Variants in NINJ2 observed in about 807,000 individuals in gnomAD.
NINJ2 encodes ninjurin 2.
A neutral mutation model predicts 11.7 loss-of-function variants in NINJ2; 12 were observed. The ratio of observed to expected loss-of-function variants is 1.02; its 90% confidence interval spans 0.66 to 1.66. The LOEUF is 1.66. Among genes scored for constraint, NINJ2 ranks in the 40% most tolerant of loss-of-function variants. The probability of loss-of-function intolerance (pLI) is 0.00; values close to 1 mark genes in which losing one functional copy is unlikely to be tolerated. For synonymous variants in NINJ2, 93 were observed against 76.8 expected, an observed-to-expected ratio of 1.21 and a Z score of -1.10; for missense variants, 187 against 181.8, an observed-to-expected ratio of 1.03 and a Z score of -0.16.
chr12:583,885 G>A (rs757578087), intron 1 of NINJ2, among the ~76,000 whole-genome samples: 1 of 152,166 alleles, frequency 6.6e-6, no homozygotes, highest in Non-Finnish European at 1.5e-5. Flanking sequence ...TAAGATTACA[G>A]AACAGTGATA....
At chr12:600,656 GTGTGTGTGTGTGT>G (rs1565630347) in intron 1 of NINJ2, among the ~76,000 whole-genome samples, 995 of 16,914 alleles carry the variant, frequency 0.059, 23 homozygotes, top group East Asian at 0.32. Context: ...TTTTTGGGGT[GTGTGTGTGTGTGT>G]GTGTGTGTGT....
At chr12:574,488 C>T (rs535469534) in intron 1 of NINJ2, among the ~76,000 whole-genome samples, 1 of 151,878 alleles carries the variant, frequency 6.6e-6, no homozygotes, top group African/African-American at 2.4e-5. Context: ...CACGAGGGCT[C>T]TGCCCTCATT....
intron 1 of NINJ2, among the ~76,000 whole-genome samples, chr12:569,859 C>A (rs1043721964): frequency 1.3e-5 from 2 of 152,230 alleles, no homozygotes; most frequent in East Asian, 3.9e-4. Context: ...GGGGCCGACT[C>A]GGGCCTGCCT....
intron 1 of NINJ2, among the ~76,000 whole-genome samples, chr12:601,287 C>T (rs1466729902): frequency 1.3e-5 from 2 of 152,228 alleles, no homozygotes; most frequent in African/African-American, 2.4e-5. Flanking sequence ...TGGCTCACGC[C>T]TGTAATCCCA....
intron 2 of NINJ2, 52 bp from the exon 3 acceptor site, chr12:565,453 G>A: frequency 6.4e-7 from 1 of 1,571,176 alleles, no homozygotes; most frequent in East Asian, 2.2e-5. Context: ...CCACAGCACG[G>A]AGCTGCCCCC....
At chr12:622,218 G>A (rs1299137149) in intron 1 of NINJ2, among the ~76,000 whole-genome samples, 39 of 151,120 alleles carry the variant, frequency 2.6e-4, no homozygotes, top group Non-Finnish European at 1.5e-5. Flanking sequence ...TCAGGAGATC[G>A]AGACCACGGT....
intron 1 of NINJ2, among the ~76,000 whole-genome samples, chr12:618,424 A>G (rs1041542424): frequency 3.9e-5 from 6 of 152,066 alleles, no homozygotes; most frequent in East Asian, 3.9e-4. Flanking sequence ...GAACCCCAGA[A>G]CAGCATTTTA....
At chr12:566,918 A>G (rs1280943446) in intron 1 of NINJ2, among the ~76,000 whole-genome samples, 1 of 152,254 alleles carries the variant, frequency 6.6e-6, no homozygotes, top group Non-Finnish European at 1.5e-5. Flanking sequence ...AATACAGGGC[A>G]TATGCTGTGG....
At chr12:609,042 C>T (rs1755886603) in intron 1 of NINJ2, among the ~76,000 whole-genome samples, 1 of 150,290 alleles carries the variant, frequency 6.7e-6, no homozygotes, top group African/African-American at 2.4e-5. Flanking sequence ...GCACGCACGG[C>T]GCCACGCGCT....
chr12:654,565 T>G (rs1231326798), intron 1 of NINJ2, among the ~76,000 whole-genome samples: 1 of 148,786 alleles, frequency 6.7e-6, no homozygotes, highest in Admixed American at 6.7e-5. Context: ...CCAACTGGGG[T>G]TTAGTCCAGG....
Position 580,597 on chromosome 12 carries a change from AAATAT to A in NINJ2, c.34-14424_34-14420del, listed in dbSNP as rs55925203. Among the ~76,000 whole-genome samples, 24,410 of 122,302 alleles carry A rather than the reference AAATAT, an allele frequency of 0.2. 2,058 individuals carry two copies. Among genetic ancestry groups the A allele is most frequent in the Middle Eastern group, 0.29 (70 of 240 alleles). The allele number at this position is 122,302 out of a possible 152,430, so 80.2% of individuals were successfully genotyped here. A position where few individuals can be genotyped will look rare whatever the true frequency, so the allele number is the denominator to read the frequency against. On this transcript the variant is annotated intron_variant, in intron 1 of 3. Transcript: ENST00000305108. This position sits in a 1 kb window ranked among gnomAD's most constrained non-coding sequence, Gnocchi z 4.7. ...GAGAGACCCTGTCTCAAAAAAAAAA[AAATAT>A]ATATATATATATATCCATTTGTCAT...
chr12:662,717 C>T (rs1937974172), intron 1 of NINJ2, among the ~76,000 whole-genome samples: 1 of 152,200 alleles, frequency 6.6e-6, no homozygotes, highest in Non-Finnish European at 1.5e-5. Flanking sequence ...TCCCCTCCAG[C>T]AGTGGACTGG....
intron 1 of NINJ2, among the ~76,000 whole-genome samples, chr12:652,878 C>T (rs551381810): frequency 8.8e-5 from 13 of 147,194 alleles, no homozygotes; most frequent in Non-Finnish European, 1.5e-4. Flanking sequence ...ACCCGGGAAG[C>T]GAAGGTTGCA....
Position 601,797 on chromosome 12 carries a change from C to T in NINJ2, c.34-35619G>A, listed in dbSNP as rs187672063. 5.1e-4 allele frequency among the ~76,000 whole-genome samples: 78 copies of T among 152,158 alleles called. 1 individual carries two copies. Among genetic ancestry groups the T allele is most frequent in the African/African-American group, 1.6e-3 (68 of 41,504 alleles). ...AGGAGAATCACTTGAACCTGGGAGG[C>T]GGAGGTTGCAGTGAACCAAGATCAT... On this transcript the variant is annotated intron_variant, in intron 1 of 3. Transcript: ENST00000305108.
At chr12:599,516 G>A (rs1233767269) in intron 1 of NINJ2, among the ~76,000 whole-genome samples, 3 of 152,176 alleles carry the variant, frequency 2.0e-5, no homozygotes, top group African/African-American at 4.8e-5. Context: ...GCCATCACAC[G>A]TTGAGCAGCG....
chr12:571,414 AC>A (rs1345944026), intron 1 of NINJ2, among the ~76,000 whole-genome samples: 9 of 152,042 alleles, frequency 5.9e-5, no homozygotes, highest in Admixed American at 1.3e-4. Context: ...TGCCTGGCAG[AC>A]GTGGGTTTGG....
In NINJ2 at chr12:585,273, G is replaced by A. The variant is rs1397465027; in HGVS notation, c.34-19095C>T. Among the ~76,000 whole-genome samples the A allele has an allele frequency of 6.6e-6, 1 of 152,198 alleles. No individual in the cohort carries two copies. The highest frequency in any genetic ancestry group is 1.5e-5 in the Non-Finnish European group (1 of 68,036). On this transcript the variant is annotated intron_variant, in intron 1 of 3. Transcript: ENST00000305108. This position sits in a 1 kb window ranked among gnomAD's most constrained non-coding sequence, Gnocchi z 4.1. ...TCTGGGGGCTCTGGGCTTCCCTGCTGCAAGCTCTTAACCCTTAGCGTGAGC... is the reference window on the plus strand; with the variant it reads ...TCTGGGGGCTCTGGGCTTCCCTGCTACAAGCTCTTAACCCTTAGCGTGAGC...
intron 1 of NINJ2, among the ~76,000 whole-genome samples, chr12:652,590 CAAAG>C (rs1937809942): frequency 6.6e-6 from 1 of 151,984 alleles, no homozygotes; most frequent in South Asian, 2.1e-4. Context: ...AGGGAACTAT[CAAAG>C]AAAGAATCAA....
chr12:649,392 T>TA (rs930042201), intron 1 of NINJ2, among the ~76,000 whole-genome samples: 1 of 152,008 alleles, frequency 6.6e-6, no homozygotes, highest in Admixed American at 6.6e-5. Flanking sequence ...ATACAAAAAA[T>TA]AAGAGTTGTC....
Sources: allele counts gnomAD v4.1 joint callset (sites outside exome capture counted in the v4.1 genomes callset), GRCh38; gene constraint gnomAD v4.1.1; non-coding constraint Gnocchi (gnomAD v3.1); transcripts MANE v1.5; gene names NCBI Gene and HGNC (gene_info 2026-07-23, HGNC 2026-07-21).